TENM4: variants seen among roughly 807,000 people sequenced by gnomAD.
The protein encoded by TENM4 is teneurin transmembrane protein 4.
TENM4 carries 82 observed loss-of-function variants against 243.3 expected under a neutral mutation model. The ratio of observed to expected loss-of-function variants is 0.34; its 90% CI spans 0.28 to 0.40. The LOEUF (loss-of-function observed/expected upper bound fraction) is 0.40. Among genes scored for constraint, TENM4 ranks in the 10% least tolerant of loss-of-function variants. The probability of loss-of-function intolerance (pLI) is 1.00; values close to 1 mark genes in which losing one functional copy is unlikely to be tolerated. For synonymous variants in TENM4, 1,412 were observed against 1,456.3 expected, an observed-to-expected ratio of 0.97 and a Z score of 0.69; for missense variants, 3,138 against 3,673.3, an observed-to-expected ratio of 0.85 and a Z score of 3.77.
intron 2 of TENM4, among the ~76,000 whole-genome samples, chr11:79,226,761 T>C (rs2135250983): frequency 6.6e-6 from 1 of 152,348 alleles, no homozygotes; most frequent in Non-Finnish European, 1.5e-5. Context: ...TCTTGATTTT[T>C]CCTCATTTAT....
At chr11:78,852,478 A>G (rs1024161730) in intron 12 of TENM4, among the ~76,000 whole-genome samples, 1 of 152,122 alleles carries the variant, frequency 6.6e-6, no homozygotes, top group African/African-American at 2.4e-5. Flanking sequence ...TGAGCCCAAG[A>G]GTTTGACCAG....
chr11:79,270,352 G>C (rs1855948661), intron 2 of TENM4, among the ~76,000 whole-genome samples: 1 of 152,126 alleles, frequency 6.6e-6, no homozygotes, highest in African/African-American at 2.4e-5. Context: ...TTTGCCTCTA[G>C]TCCCACAACC....
At chr11:78,789,831 T>C (rs1857017546) in intron 15 of TENM4, among the ~76,000 whole-genome samples, 1 of 152,188 alleles carries the variant, frequency 6.6e-6, no homozygotes, top group Admixed American at 6.5e-5. Flanking sequence ...CATTCCTTTA[T>C]TAAGTCACCT....
intron 1 of TENM4, among the ~76,000 whole-genome samples, chr11:79,368,921 T>C (rs914049281): frequency 6.6e-6 from 1 of 152,234 alleles, no homozygotes; most frequent in Non-Finnish European, 1.5e-5. Context: ...TGGTACACAG[T>C]AAATGTCAAA....
chr11:79,271,166 T>A (rs549951425), intron 2 of TENM4, among the ~76,000 whole-genome samples: 8 of 152,188 alleles, frequency 5.3e-5, no homozygotes, highest in African/African-American at 1.9e-4. Context: ...CCAGTGAAGA[T>A]CTCAAGATCT....
chr11:79,251,126 T>C (rs1855602561), intron 2 of TENM4, among the ~76,000 whole-genome samples: 1 of 152,100 alleles, frequency 6.6e-6, no homozygotes, highest in South Asian at 2.1e-4. Context: ...GCACACGTCT[T>C]AATAGCTAGA....
intron 6 of TENM4, among the ~76,000 whole-genome samples, chr11:79,048,441 G>T (rs11237699): frequency 0.09 from 13,678 of 152,116 alleles, 1,886 homozygotes; most frequent in African/African-American, 0.3. Flanking sequence ...CCTGACAGTA[G>T]GCAGTCTAGA....
chr11:79,340,236 A>G (rs1177475804), intron 1 of TENM4, among the ~76,000 whole-genome samples: 2 of 152,178 alleles, frequency 1.3e-5, no homozygotes, highest in African/African-American at 2.4e-5. Context: ...ATGGCTTCCA[A>G]TAAAGGGGCA....
chr11:78,773,189 T>G (rs1417803039), intron 17 of TENM4, among the ~76,000 whole-genome samples: 1 of 152,264 alleles, frequency 6.6e-6, no homozygotes, highest in Non-Finnish European at 1.5e-5. Flanking sequence ...CAACGGTAGC[T>G]GACTGCTTTC....
At chr11:78,813,982 G>T (rs522714) in intron 13 of TENM4, among the ~76,000 whole-genome samples, 98,497 of 151,968 alleles carry the variant, frequency 0.65, 32,767 homozygotes, top group Non-Finnish European at 0.7. Flanking sequence ...GGAAATCAAC[G>T]TTTTAAAAGA....
At chr11:78,673,464 T>C (rs963269659) in intron 30 of TENM4, among the ~76,000 whole-genome samples, 1 of 152,156 alleles carries the variant, frequency 6.6e-6, no homozygotes, top group Non-Finnish European at 1.5e-5. Flanking sequence ...CAAAATGGCA[T>C]GTGTGGACCG....
At chr11:78,915,232 T>G (rs1856287792) in intron 6 of TENM4, among the ~76,000 whole-genome samples, 1 of 152,222 alleles carries the variant, frequency 6.6e-6, no homozygotes, top group Non-Finnish European at 1.5e-5. Context: ...TTAACTCAGA[T>G]TAGAAGTTTC....
intron 6 of TENM4, among the ~76,000 whole-genome samples, chr11:79,009,351 C>T (rs1462825443): frequency 6.6e-6 from 1 of 152,158 alleles, no homozygotes; most frequent in Non-Finnish European, 1.5e-5. Flanking sequence ...CAGCTTCAGA[C>T]ACTCAAGCAA....
chr11:79,067,040 GCCTCTGCTCTGGCTGTTC>G (rs1860278522), intron 5 of TENM4, among the ~76,000 whole-genome samples: 1 of 152,224 alleles, frequency 6.6e-6, no homozygotes, highest in Admixed American at 6.5e-5. Context: ...GTGCCTTTCA[GCCTCTGCTCTGGCTGTTC>G]CAGCCCCTTC....
At chr11:79,318,361 G>C (rs1460919871) in intron 1 of TENM4, among the ~76,000 whole-genome samples, 1 of 152,058 alleles carries the variant, frequency 6.6e-6, no homozygotes, top group African/African-American at 2.4e-5. Context: ...ATATAATGAA[G>C]GATTTTCTTC....
intron 1 of TENM4, chr11:79,422,248 T>TACACACACACAC (rs36083983): frequency 0.039 from 5,540 of 142,620 alleles, 154 homozygotes; most frequent in Non-Finnish European, 0.049. Flanking sequence ...ACATGGTTCT[T>TACACACACACAC]ACACACACAC....
intron 4 of TENM4, among the ~76,000 whole-genome samples, chr11:79,118,915 T>C (rs1861677747): frequency 6.6e-6 from 1 of 152,218 alleles, no homozygotes. Context: ...TCTTTTGGGT[T>C]CCACTCAGAA....
At chr11:78,825,030 G>A (rs894414901) in intron 12 of TENM4, among the ~76,000 whole-genome samples, 1 of 152,176 alleles carries the variant, frequency 6.6e-6, no homozygotes, top group Non-Finnish European at 1.5e-5. Flanking sequence ...CCAGCCACTC[G>A]CAAATGTATC....
rs11237621 is a variant in TENM4, at chr11:78,786,977, C to A, written c.2286G>T (p.Pro762=). The A allele has an allele frequency of 1.9e-6, 3 of 1,588,306 alleles. No homozygotes were observed. The South Asian group carries it at 3.5e-5, about 18-fold the overall frequency. ...GGCAGGTCCCATGCTCGGCACAGCG[C>A]GGGTGGCAGGCCCGCTGGTCGCAGG... is the stretch of plus-strand genomic sequence containing the variant. ...GAACDQRACH[P]RCAEHGTCRD... Residue 762 remains proline, a synonymous_variant, in exon 16 of 34, where the codon CCG becomes CCT. Transcript: ENST00000278550.
Sources: gnomAD v4.1 joint callset for allele counts (sites outside exome capture counted in the v4.1 genomes callset) on GRCh38, gnomAD v4.1.1 for gene constraint, MANE v1.5 for transcripts, NCBI Gene and HGNC (gene_info 2026-07-23, HGNC 2026-07-21) for gene names.